Variants in OGDH observed in about 807,000 individuals in gnomAD.
OGDH encodes the protein oxoglutarate dehydrogenase.
A neutral mutation model predicts 116.6 loss-of-function variants in OGDH; 38 were observed. The observed-to-expected ratio is 0.33, with a 90% CI of 0.25 to 0.43. The LOEUF (loss-of-function observed/expected upper bound fraction) is 0.43. Ranked by LOEUF, OGDH falls within the 20% of genes least tolerant of loss-of-function variation. OGDH has a pLI of 1.00. For missense variants in OGDH, 825 were observed against 1,357.2 expected, an observed-to-expected ratio of 0.61 and a Z score of 6.16; for synonymous variants, 488 against 533.3, an observed-to-expected ratio of 0.92 and a Z score of 1.17.
At chr7:44,679,853 G>A (rs768459869) in intron 9 of OGDH, among the ~76,000 whole-genome samples, 92 of 152,288 alleles carry the variant, frequency 6.0e-4, no homozygotes, top group Middle Eastern at 3.4e-3. Flanking sequence ...CAGCTCTGCT[G>A]TGGGTCTCCA....
At chr7:44,701,089 G>A (rs970030641) in intron 19 of OGDH, among the ~76,000 whole-genome samples, 4 of 152,222 alleles carry the variant, frequency 2.6e-5, no homozygotes, top group Admixed American at 1.3e-4. Context: ...CTGGGATACC[G>A]CGGGGGTGGG....
intron 13 of OGDH, 86 bp downstream of exon 13, chr7:44,696,213 TC>T: frequency 8.8e-7 from 1 of 1,142,370 alleles, no homozygotes; most frequent in Non-Finnish European, 1.3e-6. Flanking sequence ...ATTCATGCTT[TC>T]CACTTTGTAC....
At chr7:44,705,331 C>T (rs2116426380) in intron 20 of OGDH, among the ~76,000 whole-genome samples, 1 of 152,064 alleles carries the variant, frequency 6.6e-6, no homozygotes, top group Non-Finnish European at 1.5e-5. Context: ...GGATTACAGG[C>T]GTGAGCCACC....
At chr7:44,620,418 C>G (rs1467162221) in intron 1 of OGDH, among the ~76,000 whole-genome samples, 2 of 152,212 alleles carry the variant, frequency 1.3e-5, no homozygotes, top group African/African-American at 4.8e-5. Context: ...ATCAAGGTTA[C>G]AAAGATTTAC....
intron 2 of OGDH, among the ~76,000 whole-genome samples, chr7:44,632,533 G>C (rs1305571918): frequency 6.6e-6 from 1 of 152,136 alleles, no homozygotes; most frequent in Non-Finnish European, 1.5e-5. Flanking sequence ...CAAACTCCTG[G>C]CTTCAAGCCA....
intron 5 of OGDH, among the ~76,000 whole-genome samples, chr7:44,668,205 G>A (rs975836765): frequency 2.0e-4 from 30 of 152,168 alleles, no homozygotes; most frequent in Non-Finnish European, 1.9e-4. Flanking sequence ...TTGGGAGGCC[G>A]AGACAGGTGG....
At position 44,696,917 on chromosome 7, in the gene OGDH, T is replaced by C; in HGVS notation, c.1904T>C (p.Leu635Pro). The C allele has an allele frequency of 6.2e-7, 1 of 1,609,284 alleles. No homozygotes were observed. Among genetic ancestry groups the C allele is most frequent in the Non-Finnish European group, 8.5e-7 (1 of 1,177,312 alleles). The change falls in exon 15 of 23, where the codon CTG becomes CCG. Residue 635 changes from leucine to proline, a missense_variant. Leu to Pro is a moderately conservative substitution (Grantham distance 98). Around this residue, in one of 7 missense-constraint regions of OGDH, gnomAD observed 92 missense variants for 129.7 expected, o/e 0.71. Coordinates refer to ENST00000222673, the MANE Select transcript of OGDH (RefSeq NM_002541.4). ...PVENFTIHGG[L>P]SRILKTRGEM... is the part of the protein sequence containing the mutation. The stretch of plus-strand genomic sequence containing the variant: ...GGTGAGAGCTGTGTCTCTGCAGGGC[T>C]GAGCCGGATCTTGAAGACTCGTGGG...
At chr7:44,628,312 A>AAG (rs1785287173) in intron 2 of OGDH, among the ~76,000 whole-genome samples, 1 of 152,138 alleles carries the variant, frequency 6.6e-6, no homozygotes, top group South Asian at 2.1e-4. Flanking sequence ...GTCCATGTTT[A>AAG]AATATTTACT....
At chr7:44,647,827 C>A in intron 4 of OGDH, 68 bp downstream of exon 4, 1 of 1,172,728 alleles carries the variant, frequency 8.5e-7, no homozygotes, top group Non-Finnish European at 1.3e-6. Flanking sequence ...CTGTGGTAGC[C>A]AGGATGTCCA....
At chr7:44,684,258 G>A (rs768549350) in intron 10 of OGDH, among the ~76,000 whole-genome samples, 39 of 152,224 alleles carry the variant, frequency 2.6e-4, no homozygotes, top group Non-Finnish European at 5.4e-4. Flanking sequence ...AGAGACTGAC[G>A]CAAGGAAGTG....
intron 3 of OGDH, among the ~76,000 whole-genome samples, chr7:44,647,195 A>G (rs1477689236): frequency 2.0e-5 from 3 of 152,274 alleles, no homozygotes; most frequent in Non-Finnish European, 4.4e-5. Flanking sequence ...AAAGATCACA[A>G]GAAATGGATC....
In OGDH at chr7:44,707,361, G is replaced by T. The variant is rs948416394; in HGVS notation, c.2769G>T (p.Gly923=). ...TRERKARDMV[G]QVAITRIEQL... ...AGCGCAAAGCACGCGACATGGTGGG[G>T]CAGGTGGCCATCACAAGGATTGAGC... Residue 923 remains glycine (G), a synonymous_variant, in exon 21 of 23, where the codon GGG becomes GGT. Transcript: ENST00000222673. This position sits in a 1 kb window ranked among gnomAD's most constrained non-coding sequence, Gnocchi z 5.2. 1.2e-6 allele frequency: 2 copies of T among 1,614,128 alleles called. No homozygotes were observed. Among genetic ancestry groups the T allele is most frequent in the African/African-American group, 2.7e-5 (2 of 74,958 alleles).
chr7:44,638,093 AC>A (rs1304580066), intron 2 of OGDH, among the ~76,000 whole-genome samples: 1 of 152,186 alleles, frequency 6.6e-6, no homozygotes, highest in Non-Finnish European at 1.5e-5. Context: ...CTTATCAGTG[AC>A]ATTGTCATTG....
At chr7:44,705,070 T>TTTTTTTTTTTTTTTTTTTTTTTTAG (rs1789008611) in intron 20 of OGDH, among the ~76,000 whole-genome samples, 1 of 131,808 alleles carries the variant, frequency 7.6e-6, no homozygotes, top group East Asian at 2.5e-4. Flanking sequence ...TTTTTTTTTT[T>TTTTTTTTTTTTTTTTTTTTTTTTAG]GAGACGGAGT....
intron 4 of OGDH, among the ~76,000 whole-genome samples, chr7:44,658,086 GGGCCTT>G (rs1786773547): frequency 2.0e-5 from 3 of 152,146 alleles, no homozygotes; most frequent in Admixed American, 2.0e-4. Flanking sequence ...AACTATTCAA[GGGCCTT>G]TTCCTTCTCC....
At chr7:44,696,611 CGACTGTCTAG>C in intron 14 of OGDH, 54 bp downstream of exon 14, 1 of 1,608,098 alleles carries the variant, frequency 6.2e-7, no homozygotes, top group Non-Finnish European at 8.5e-7. Flanking sequence ...CCAGGGGCGA[CGACTGTCTAG>C]GACTGTGACC....
Position 44,694,671 on chromosome 7 carries a change from A to G in OGDH, c.1668+95A>G. The stretch of plus-strand genomic sequence containing the variant: ...GGGCCAGTTCTCACTTTTGCCAGTT[A>G]TGAGGATACACGTGAGAGGATGTGA... On this transcript the variant is annotated intron_variant, in intron 12 of 22. Coordinates refer to ENST00000222673, the MANE Select transcript of OGDH (RefSeq NM_002541.4). The surrounding 1 kb of genome is among the most constrained non-coding windows in gnomAD (Gnocchi z 4.2). 1 of 1,401,724 alleles carries G rather than the reference A, an allele frequency of 7.1e-7. No individual in the cohort carries two copies. Among genetic ancestry groups the G allele is most frequent in the Non-Finnish European group, 1.0e-6 (1 of 1,002,680 alleles). 86.8% of individuals were successfully genotyped at this position (1,401,724 alleles called of 1,614,324 possible).
At chr7:44,641,832 G>C (rs980820149) in intron 2 of OGDH, among the ~76,000 whole-genome samples, 1 of 152,216 alleles carries the variant, frequency 6.6e-6, no homozygotes, top group African/African-American at 2.4e-5. Flanking sequence ...AGGGTGTCCA[G>C]TGTATTTGTG....
chr7:44,637,580 G>A (rs2115671953), intron 2 of OGDH, among the ~76,000 whole-genome samples: 1 of 152,270 alleles, frequency 6.6e-6, no homozygotes, highest in Non-Finnish European at 1.5e-5. Flanking sequence ...GGAGGCTGAG[G>A]TGGGTGGATC....
Sources: allele counts gnomAD v4.1 joint callset (sites outside exome capture counted in the v4.1 genomes callset), GRCh38; gene constraint gnomAD v4.1.1; regional missense constraint gnomAD v4.1.1; non-coding constraint Gnocchi (gnomAD v3.1); transcripts MANE v1.5; gene names NCBI Gene and HGNC (gene_info 2026-07-23, HGNC 2026-07-21).